Variants in NUP155 observed in about 807,000 individuals in gnomAD.
NUP155 encodes nucleoporin 155, also known as nuclear pore complex protein Nup155.
A neutral mutation model predicts 180.4 loss-of-function variants in NUP155; 71 were observed. That is an observed-to-expected ratio of 0.39 (90% CI 0.33 to 0.48). The LOEUF (loss-of-function observed/expected upper bound fraction) is 0.48. NUP155 is among the 20% of genes least tolerant of loss of function. The probability of loss-of-function intolerance (pLI) is 0.91; values close to 1 mark genes in which losing one functional copy is unlikely to be tolerated. For missense variants in NUP155, 1,553 were observed against 1,648.9 expected (o/e 0.94, Z 1.01); for synonymous variants, 582 against 559.5 (o/e 1.04, Z -0.57).
chr5:37,304,596 T>C (rs896146056), intron 27 of NUP155, 143 bp downstream of exon 27: 6 of 675,800 alleles, frequency 8.9e-6, no homozygotes, highest in Admixed American at 2.5e-5. Flanking sequence ...TAGGAAAAGA[T>C]ACTGCATTAC....
Position 37,337,870 on chromosome 5 carries a change from C to A in NUP155, c.1295G>T (p.Trp432Leu). ...ASENEDNDIL[W>L]CVNHDTFPFQ... ...AGGAAAAGTATCATGGTTGACACACCATAAAATATCATTATCCTCATTTTC... is the reference window on the plus strand; with the variant it reads ...AGGAAAAGTATCATGGTTGACACACAATAAAATATCATTATCCTCATTTTC... The change falls in exon 12 of 35, where the codon TGG (tryptophan) becomes TTG (leucine). Residue 432 changes from tryptophan to leucine, a missense_variant. Coordinates refer to ENST00000231498, the MANE Select transcript of NUP155 (RefSeq NM_153485.3). 2.5e-6 allele frequency: 4 copies of A among 1,611,764 alleles called. No homozygotes were observed. The highest frequency in any genetic ancestry group is 3.4e-6 in the Non-Finnish European group (4 of 1,178,794).
At position 37,289,662 on chromosome 5, in the gene NUP155, A is replaced by T. The variant is rs1270235988; in HGVS notation, c.*2238T>A. 1 of 152,252 alleles carries T rather than the reference A, an allele frequency of 6.6e-6. No homozygotes were observed. The highest frequency in any genetic ancestry group is 1.5e-5 in the Non-Finnish European group (1 of 68,046). 9.4% of individuals were successfully genotyped at this position (152,252 alleles called of 1,614,324 possible). On this transcript the variant is annotated 3_prime_UTR_variant, in exon 35 of 35. Coordinates refer to ENST00000231498, the MANE Select transcript of NUP155 (RefSeq NM_153485.3). ...TTCAGATTTCTGACTCTAACAGACC[A>T]TCTAACCATGGAAGCCTACAGCCCT... is the stretch of plus-strand genomic sequence containing the variant.
intron 19 of NUP155, among the ~76,000 whole-genome samples, chr5:37,324,616 G>T (rs1484986485): frequency 1.3e-5 from 2 of 151,634 alleles, no homozygotes; most frequent in Non-Finnish European, 2.9e-5. Flanking sequence ...GTAGTGGCGC[G>T]GATCATATCT....
intron 22 of NUP155, 103 bp downstream of exon 22, chr5:37,314,095 C>T (rs1462677423): frequency 1.2e-6 from 1 of 836,618 alleles, no homozygotes; most frequent in Non-Finnish European, 1.9e-6. Context: ...TTCATCATAA[C>T]TTAAATGCTT....
In NUP155 at chr5:37,371,061, C is replaced by T. The variant is rs549959956; in HGVS notation, c.-84G>A. 9 of 1,473,046 alleles carry T rather than the reference C, an allele frequency of 6.1e-6. No individual in the cohort carries two copies. Among genetic ancestry groups the T allele is most frequent in the South Asian group, 4.6e-5 (4 of 86,748 alleles). 91.2% of individuals were successfully genotyped at this position (1,473,046 alleles called of 1,614,324 possible). A position where few individuals can be genotyped will look rare whatever the true frequency, so the allele number is the denominator to read the frequency against. ...AAGATCCAAGAAGTTAGCTTAGATCCGCCGCCTAGGGCGCGCGCGCCAAAC... is the reference window on the plus strand; with the variant it reads ...AAGATCCAAGAAGTTAGCTTAGATCTGCCGCCTAGGGCGCGCGCGCCAAAC... On this transcript the variant is annotated 5_prime_UTR_variant, in exon 1 of 35. Transcript: ENST00000231498.
At chr5:37,358,206 T>C (rs922619277) in intron 3 of NUP155, 55 bp from the exon 4 acceptor site, 4 of 1,230,928 alleles carry the variant, frequency 3.2e-6, no homozygotes, top group Non-Finnish European at 4.8e-6. Flanking sequence ...AGGCCAGATG[T>C]GGTGGCTCAT....
chr5:37,297,074 G>A (rs1329062238), intron 32 of NUP155, among the ~76,000 whole-genome samples: 1 of 152,136 alleles, frequency 6.6e-6, no homozygotes, highest in African/African-American at 2.4e-5. Context: ...GCAACACCAT[G>A]AGATCCCTTC....
At chr5:37,304,396 T>C (rs1026671780) in intron 27 of NUP155, among the ~76,000 whole-genome samples, 4 of 151,904 alleles carry the variant, frequency 2.6e-5, no homozygotes, top group Admixed American at 6.6e-5. Flanking sequence ...ATTAAACAGA[T>C]TGAGGAACAC....
chr5:37,365,752 T>TATATATATATACAC (rs1403169370), intron 1 of NUP155, among the ~76,000 whole-genome samples: 2 of 37,888 alleles, frequency 5.3e-5, no homozygotes, highest in African/African-American at 2.2e-4. Flanking sequence ...TATATATATA[T>TATATATATATACAC]ACACACACAC....
At chr5:37,306,611 G>A (rs1453160499) in intron 25 of NUP155, among the ~76,000 whole-genome samples, 3 of 151,966 alleles carry the variant, frequency 2.0e-5, no homozygotes, top group East Asian at 1.9e-4. Flanking sequence ...GGGATTACGG[G>A]TGTGCACCAC....
intron 20 of NUP155, among the ~76,000 whole-genome samples, chr5:37,322,233 T>C (rs1056852713): frequency 6.6e-6 from 1 of 152,178 alleles, no homozygotes; most frequent in Admixed American, 6.5e-5. Flanking sequence ...GCAATCCTCC[T>C]GCCTTGGCTT....
intron 16 of NUP155, 62 bp from the exon 17 acceptor site, chr5:37,328,482 T>C (rs1352339076): frequency 4.8e-6 from 6 of 1,239,410 alleles, no homozygotes; most frequent in African/African-American, 3.0e-5. Flanking sequence ...TTGAATGTGA[T>C]CAAAATTAGG....
chr5:37,307,497 C>G, intron 24 of NUP155, 65 bp from the exon 25 acceptor site: 1 of 1,464,670 alleles, frequency 6.8e-7, no homozygotes, highest in Non-Finnish European at 9.6e-7. Context: ...TTTTCCTTAG[C>G]TGGCACATGA....
At chr5:37,331,039 C>T (rs1744927616) in intron 14 of NUP155, among the ~76,000 whole-genome samples, 1 of 151,692 alleles carries the variant, frequency 6.6e-6, no homozygotes, top group African/African-American at 2.4e-5. Flanking sequence ...GTCCCAGCTA[C>T]TTGGGAGGCT....
chr5:37,301,681 G>A (rs972245729), intron 29 of NUP155, 131 bp from the exon 30 acceptor site: 55 of 689,990 alleles, frequency 8.0e-5, no homozygotes, highest in Non-Finnish European at 1.4e-4. Flanking sequence ...TATCATAATA[G>A]GCTAATATTA....
At position 37,337,847 on chromosome 5, in the gene NUP155, G is replaced by A; in HGVS notation, c.1318C>T (p.Pro440Ser). 6.2e-7 allele frequency: 1 copy of A among 1,611,788 alleles called. No individual in the cohort carries two copies. The highest frequency in any genetic ancestry group is 2.2e-5 in the East Asian group (1 of 44,770). Residue 440 changes from proline to serine, a missense_variant, in exon 12 of 35, where the codon CCT becomes TCT. By Grantham distance (74) the Pro-to-Ser change is moderately conservative (BLOSUM62 -1). Coordinates refer to ENST00000231498, the MANE Select transcript of NUP155 (RefSeq NM_153485.3). ...GTTTCCATCATTGGCTTTTGGAAAGGAAAAGTATCATGGTTGACACACCAT... is the reference window on the plus strand; with the variant it reads ...GTTTCCATCATTGGCTTTTGGAAAGAAAAAGTATCATGGTTGACACACCAT... ...ILWCVNHDTF[P>S]FQKPMMETQM...
intron 33 of NUP155, 89 bp downstream of exon 33, chr5:37,294,239 AC>A: frequency 1.1e-6 from 1 of 890,882 alleles, no homozygotes; most frequent in South Asian, 1.6e-5. Context: ...GTGATAGGAT[AC>A]AAAAATGCAA....
chr5:37,369,513 A>G (rs6898900), intron 1 of NUP155, among the ~76,000 whole-genome samples: 16,385 of 152,166 alleles, frequency 0.11, 2,898 homozygotes, highest in African/African-American at 0.37. Context: ...GGCATGAGAT[A>G]TGTAAGAGAA....
At chr5:37,324,537 AC>A (rs1217056892) in intron 19 of NUP155, among the ~76,000 whole-genome samples, 1 of 151,994 alleles carries the variant, frequency 6.6e-6, no homozygotes, top group Non-Finnish European at 1.5e-5. Flanking sequence ...TTAGGCAAAT[AC>A]ACTCTTATTC....
Sources: allele counts gnomAD v4.1 joint callset (sites outside exome capture counted in the v4.1 genomes callset), GRCh38; gene constraint gnomAD v4.1.1; transcripts MANE v1.5; gene names NCBI Gene and HGNC (gene_info 2026-07-23, HGNC 2026-07-21).